Variants in FLI1 observed in about 807,000 individuals in gnomAD.
The protein encoded by FLI1 is Friend leukemia integration 1 transcription factor.
In FLI1, 13 loss-of-function variants were observed where a neutral mutation model predicts 53.1. That is an observed-to-expected ratio of 0.24 (90% CI 0.16 to 0.39). The LOEUF is 0.39. FLI1 is among the 10% of genes least tolerant of loss of function. The pLI, the probability that FLI1 is intolerant of heterozygous loss-of-function variation, is 1.00. For synonymous variants in FLI1, 244 were observed against 236.7 expected, an observed-to-expected ratio of 1.03 and a Z score of -0.28; for missense variants, 424 against 600.5, an observed-to-expected ratio of 0.71 and a Z score of 3.07.
At chr11:128,801,491 G>A (rs1464676820) in intron 5 of FLI1, among the ~76,000 whole-genome samples, 1 of 152,196 alleles carries the variant, frequency 6.6e-6, no homozygotes, top group Non-Finnish European at 1.5e-5. Flanking sequence ...CCACTTCACC[G>A]AGCAGCATTC....
chr11:128,685,315 C>T (rs1228510645), upstream of FLI1, among the ~76,000 whole-genome samples: 2 of 152,244 alleles, frequency 1.3e-5, no homozygotes, highest in East Asian at 3.9e-4. Context: ...AGAACTAACA[C>T]ATCCTGGAGC....
upstream of FLI1, among the ~76,000 whole-genome samples, chr11:128,685,562 A>T (rs1865785773): frequency 6.6e-6 from 1 of 151,990 alleles, no homozygotes; most frequent in African/African-American, 2.4e-5. Context: ...TTCAAAAAAA[A>T]AAATGTAGGG....
chr11:128,768,983 G>A (rs1215772040), intron 3 of FLI1, among the ~76,000 whole-genome samples: 5 of 152,204 alleles, frequency 3.3e-5, no homozygotes, highest in Non-Finnish European at 2.9e-5. Flanking sequence ...CGTACTTCCC[G>A]GCATCTACCA....
chr11:128,775,142 G>T (rs1591802588), intron 4 of FLI1, among the ~76,000 whole-genome samples: 1 of 152,140 alleles, frequency 6.6e-6, no homozygotes, highest in Non-Finnish European at 1.5e-5. Context: ...ATTTGAAAAT[G>T]CAGGGCAGAT....
At chr11:128,784,110 G>A (rs1942007950) in intron 5 of FLI1, among the ~76,000 whole-genome samples, 1 of 152,156 alleles carries the variant, frequency 6.6e-6, no homozygotes, top group South Asian at 2.1e-4. Context: ...ATCAGAATTA[G>A]CCAGTGAGGC....
At chr11:128,768,352 T>A (rs1941427488) in intron 3 of FLI1, 80 bp downstream of exon 3, 1 of 1,536,722 alleles carries the variant, frequency 6.5e-7, no homozygotes, top group East Asian at 2.3e-5. Flanking sequence ...AACCTTTATC[T>A]GATACTCTAT....
At chr11:128,799,041 TTATTATTATTA>T (rs1942540005) in intron 5 of FLI1, among the ~76,000 whole-genome samples, 16 of 135,558 alleles carry the variant, frequency 1.2e-4, no homozygotes, top group South Asian at 4.8e-4. Context: ...ATTATTATTA[TTATTATTATTA>T]TTTTGCTTTG....
chr11:128,794,458 T>C (rs1351089717), intron 5 of FLI1, among the ~76,000 whole-genome samples: 1 of 152,136 alleles, frequency 6.6e-6, no homozygotes, highest in Non-Finnish European at 1.5e-5. Context: ...CTTTCTTTCA[T>C]CTATCTGGAG....
chr11:128,705,911 TC>T (rs1309578071), intron 1 of FLI1, among the ~76,000 whole-genome samples: 2 of 152,160 alleles, frequency 1.3e-5, no homozygotes, highest in African/African-American at 4.8e-5. Context: ...GCTTTTTTTT[TC>T]CCCACAGCAT....
intron 4 of FLI1, among the ~76,000 whole-genome samples, chr11:128,774,186 G>A (rs1031518310): frequency 6.6e-6 from 1 of 152,148 alleles, no homozygotes; most frequent in African/African-American, 2.4e-5. Context: ...CGTGCTGGCT[G>A]GAGAAATGAA....
In FLI1 at chr11:128,698,711, C is replaced by CGTGTGT. The variant is rs10557859; in HGVS notation, c.18+4453_18+4458dup. Among the ~76,000 whole-genome samples, 1,312 of 144,496 alleles carry CGTGTGT rather than the reference C, an allele frequency of 9.1e-3. 21 individuals carry two copies. Among genetic ancestry groups the CGTGTGT allele is most frequent in the African/African-American group, 0.031 (1,193 of 38,618 alleles). The allele number at this position is 144,496 out of a possible 152,430, so 94.8% of individuals were successfully genotyped here. ...TGGAGGCAGTGTGTGTATGTGTTTG[C>CGTGTGT]GTGTGTGTGTGTGTGTGTGTGTGAG... On this transcript the variant is annotated intron_variant, in intron 1 of 8. Transcript: ENST00000527786.
chr11:128,785,372 T>C (rs1010447287), intron 5 of FLI1, among the ~76,000 whole-genome samples: 7 of 151,766 alleles, frequency 4.6e-5, no homozygotes, highest in African/African-American at 1.7e-4. Flanking sequence ...TTATCTCTAT[T>C]TTGCAGACAA....
intron 1 of FLI1, among the ~76,000 whole-genome samples, chr11:128,694,766 T>C (rs1937963295): frequency 6.6e-6 from 1 of 152,022 alleles, no homozygotes. Flanking sequence ...GGTGGGTAAG[T>C]GGCCTCGTTG....
chr11:128,736,124 C>G (rs1939904651), intron 1 of FLI1, among the ~76,000 whole-genome samples: 1 of 152,172 alleles, frequency 6.6e-6, no homozygotes, highest in Non-Finnish European at 1.5e-5. Context: ...ACAGGAAATG[C>G]AAGCTACTAG....
chr11:128,758,433 G>A, intron 2 of FLI1, 107 bp downstream of exon 2: 1 of 871,780 alleles, frequency 1.1e-6, no homozygotes. Flanking sequence ...GGGCTCTAGA[G>A]CTGGGCCAGG....
intron 1 of FLI1, among the ~76,000 whole-genome samples, chr11:128,698,613 A>C (rs1736420076): frequency 6.6e-6 from 1 of 152,168 alleles, no homozygotes; most frequent in African/African-American, 2.4e-5. Flanking sequence ...CTGCACCCTT[A>C]GGCCAGTGTT....
chr11:128,798,353 G>C (rs996427007), intron 5 of FLI1, among the ~76,000 whole-genome samples: 3 of 152,118 alleles, frequency 2.0e-5, no homozygotes, highest in Non-Finnish European at 2.9e-5. Flanking sequence ...TAGACACAGA[G>C]CCTGTGGGAG....
At chr11:128,768,045 C>T (rs575416286) in intron 2 of FLI1, 73 bp from the exon 3 acceptor site, 4 of 1,397,668 alleles carry the variant, frequency 2.9e-6, no homozygotes, top group Admixed American at 4.5e-5. Flanking sequence ...GCCCTGGGCT[C>T]ATGATTCAGA....
intron 1 of FLI1, among the ~76,000 whole-genome samples, chr11:128,701,633 C>A (rs528766449): frequency 6.6e-6 from 1 of 152,340 alleles, no homozygotes; most frequent in East Asian, 1.9e-4. Context: ...AACAATGTGT[C>A]TGCCATTTAG....
Sources: allele counts gnomAD v4.1 joint callset (sites outside exome capture counted in the v4.1 genomes callset), GRCh38; gene constraint gnomAD v4.1.1; transcripts MANE v1.5; gene names NCBI Gene and HGNC (gene_info 2026-07-23, HGNC 2026-07-21).